The following CDK17 variants were observed in gnomAD, a reference collection of about 807,000 sequenced individuals.
The protein encoded by CDK17 is cyclin-dependent kinase 17.
CDK17 carries 24 observed loss-of-function variants against 77.6 expected under a neutral mutation model. The ratio of observed to expected loss-of-function variants is 0.31; its 90% CI spans 0.22 to 0.44. CDK17 has a LOEUF of 0.44. Among genes scored for constraint, CDK17 ranks in the 20% least tolerant of loss-of-function variants. CDK17 has a pLI of 1.00. For synonymous variants in CDK17, 203 were observed against 210.4 expected, an observed-to-expected ratio of 0.96 and a Z score of 0.30; for missense variants, 429 against 622.5, an observed-to-expected ratio of 0.69 and a Z score of 3.31.
chr12:96,281,162 C>T (rs984710017), intron 15 of CDK17, among the ~76,000 whole-genome samples: 5 of 152,130 alleles, frequency 3.3e-5, no homozygotes, highest in Admixed American at 6.6e-5. Context: ...CTGTCTGTTC[C>T]AGGACTTTCT....
chr12:96,293,681 G>A (rs1232108291), intron 10 of CDK17, among the ~76,000 whole-genome samples: 4 of 152,148 alleles, frequency 2.6e-5, no homozygotes, highest in African/African-American at 9.7e-5. Flanking sequence ...TACTTTAAAT[G>A]GGTCTTTTAT....
At position 96,400,422 on chromosome 12, in the gene CDK17, A is replaced by T; in HGVS notation, c.-466T>A. On this transcript the variant is annotated 5_prime_UTR_variant, in exon 1 of 17. Coordinates refer to ENST00000261211, the MANE Select transcript of CDK17 (RefSeq NM_002595.5). ...CTCCTTGCGTGTGCGTCGCTTTCACACTCGGCGGCTGCGGATTGACGCCTC... is the reference window on the plus strand; with the variant it reads ...CTCCTTGCGTGTGCGTCGCTTTCACTCTCGGCGGCTGCGGATTGACGCCTC... The T allele has an allele frequency of 2.6e-6, 1 of 379,758 alleles. No individual in the cohort carries two copies. Among genetic ancestry groups the T allele is most frequent in the Non-Finnish European group, 4.7e-6 (1 of 214,578 alleles). 23.5% of individuals were successfully genotyped at this position (379,758 alleles called of 1,614,324 possible).
chr12:96,330,325 T>C (rs1039766347), intron 2 of CDK17, among the ~76,000 whole-genome samples: 2 of 151,788 alleles, frequency 1.3e-5, no homozygotes, highest in African/African-American at 2.4e-5. Context: ...ATACATTGAG[T>C]GTTTATGAGG....
Position 96,325,246 on chromosome 12 carries a change from C to G in CDK17, c.119-1134G>C, listed in dbSNP as rs951231205. Among the ~76,000 whole-genome samples the G allele has an allele frequency of 2.0e-5, 3 of 152,184 alleles. No individual in the cohort carries two copies. In the East Asian group the frequency reaches 5.8e-4, roughly 29 times the overall value. On this transcript the variant is annotated intron_variant, in intron 2 of 16. Coordinates refer to ENST00000261211, the MANE Select transcript of CDK17 (RefSeq NM_002595.5). ...TACCTTCTTTTTAAAATGAAGCCAA[C>G]TATTCTTCTGTAGCTAACAATCAGG... is the stretch of plus-strand genomic sequence containing the variant.
chr12:96,362,117 G>A (rs1592753664), intron 1 of CDK17, among the ~76,000 whole-genome samples: 1 of 152,184 alleles, frequency 6.6e-6, no homozygotes, highest in East Asian at 1.9e-4. Flanking sequence ...AAAAAATGCT[G>A]GAAATTAAAC....
intron 1 of CDK17, among the ~76,000 whole-genome samples, chr12:96,391,125 T>C (rs1335369589): frequency 6.6e-6 from 1 of 151,876 alleles, no homozygotes; most frequent in Admixed American, 6.6e-5. Flanking sequence ...GTCAACTGTA[T>C]ACATAAACTA....
At chr12:96,373,353 G>A (rs1015749301) in intron 1 of CDK17, among the ~76,000 whole-genome samples, 1 of 152,150 alleles carries the variant, frequency 6.6e-6, no homozygotes, top group African/African-American at 2.4e-5. Context: ...AGCACTTTGG[G>A]AGGCCTAGGC....
In CDK17 at chr12:96,353,026, C is replaced by T. The variant is rs148627726; in HGVS notation, c.-29-18161G>A. ...TAATAGTTTGGTCAAATCTGGAAAG[C>T]TAAATCAAATAAAGTAGAAAAACTA... is the stretch of plus-strand genomic sequence containing the variant. On this transcript the variant is annotated intron_variant, in intron 1 of 16. Transcript: ENST00000261211. Among the ~76,000 whole-genome samples, 162 of 152,206 alleles carry T rather than the reference C, an allele frequency of 1.1e-3. 1 individual carries two copies. The highest frequency in any genetic ancestry group is 3.4e-3 in the African/African-American group (141 of 41,534).
chr12:96,283,616 G>A lies in CDK17; in HGVS notation c.1352C>T (p.Thr451Ile). 6.3e-7 allele frequency: 1 copy of A among 1,599,370 alleles called. No individual in the cohort carries two copies. The highest frequency in any genetic ancestry group is 8.6e-7 in the Non-Finnish European group (1 of 1,168,034). Residue 451 changes from threonine (T) to isoleucine (I), a missense_variant, in exon 14 of 17, where the codon ACA becomes ATA. Coordinates refer to ENST00000261211, the MANE Select transcript of CDK17 (RefSeq NM_002595.5). ...GAACTGACTTACCTGAAGAAATTTT[G>A]TTATCAACTCAATTCCTTCAGAGTC... ...RLDSEGIELI[T>I]KFLQYESKKR...
chr12:96,338,061 T>C (rs113906179), intron 1 of CDK17, among the ~76,000 whole-genome samples: 3,355 of 152,324 alleles, frequency 0.022, 69 homozygotes, highest in Non-Finnish European at 0.035. Flanking sequence ...TGGCCCACAC[T>C]ATATCAGTTT....
At chr12:96,286,799 T>C in intron 11 of CDK17, 38 bp from the exon 12 acceptor site, 1 of 1,499,188 alleles carries the variant, frequency 6.7e-7, no homozygotes, top group South Asian at 1.1e-5. Flanking sequence ...AGCAATTCAT[T>C]TACATATTAT....
chr12:96,368,820 G>C (rs1006645296), intron 1 of CDK17, among the ~76,000 whole-genome samples: 3 of 78,094 alleles, frequency 3.8e-5, no homozygotes, highest in Admixed American at 1.3e-4. Context: ...GGGGGGGGGG[G>C]GGGGCACAAT....
chr12:96,334,756 T>C lies in CDK17; in HGVS notation c.81A>G (p.Glu27=). 1 of 1,610,474 alleles carries C rather than the reference T, an allele frequency of 6.2e-7. No individual in the cohort carries two copies. The highest frequency in any genetic ancestry group is 8.5e-7 in the Non-Finnish European group (1 of 1,176,886). ...TGCTGTTTTCTTCAATAGTCATTTG[T>C]TCAGCCAATTCAGACAATGATTCAT... ...TIDESLSELA[E]QMTIEENSSK... The change falls in exon 2 of 17, where the codon GAA becomes GAG. Residue 27 remains glutamate (E), a synonymous_variant. Transcript: ENST00000261211.
intron 5 of CDK17, among the ~76,000 whole-genome samples, chr12:96,306,228 AG>A (rs1952575405): frequency 6.6e-6 from 1 of 152,148 alleles, no homozygotes; most frequent in Non-Finnish European, 1.5e-5. Flanking sequence ...ACTCAAGCAA[AG>A]GTTTTATGTT....
intron 1 of CDK17, among the ~76,000 whole-genome samples, chr12:96,360,790 G>A (rs1295648707): frequency 1.3e-5 from 2 of 152,180 alleles, no homozygotes; most frequent in African/African-American, 4.8e-5. Context: ...AGGCTCAGTA[G>A]CTATTAATGT....
chr12:96,303,682 T>C (rs1952538451), intron 5 of CDK17, among the ~76,000 whole-genome samples: 1 of 151,804 alleles, frequency 6.6e-6, no homozygotes, highest in South Asian at 2.1e-4. Context: ...ATTCTAAATA[T>C]ATATATAAAT....
chr12:96,317,405 C>A lies in CDK17; in HGVS notation c.284-3951G>T, dbSNP rs1409070414. On this transcript the variant is annotated intron_variant, in intron 3 of 16. Transcript: ENST00000261211. ...TATTATCCAGGAGAACTTCCCCAAT[C>A]TAGCAAGGCAGGCCAACGTTCAGAT... is the stretch of plus-strand genomic sequence containing the variant. 1.7e-3 allele frequency among the ~76,000 whole-genome samples: 188 copies of A among 110,616 alleles called. 1 individual carries two copies. Among genetic ancestry groups the A allele is most frequent in the African/African-American group, 6.3e-3 (186 of 29,542 alleles). The allele number at this position is 110,616 out of a possible 152,430, so 72.6% of individuals were successfully genotyped here.
intron 1 of CDK17, among the ~76,000 whole-genome samples, chr12:96,345,014 T>C (rs1376855512): frequency 6.6e-6 from 1 of 152,196 alleles, no homozygotes; most frequent in Admixed American, 6.5e-5. Flanking sequence ...TTAAGTGTTG[T>C]TTCCCTCCCT....
intron 1 of CDK17, among the ~76,000 whole-genome samples, chr12:96,368,010 G>A (rs572323826): frequency 9.3e-4 from 142 of 152,154 alleles, no homozygotes; most frequent in African/African-American, 3.4e-3. Context: ...TCACACTGCA[G>A]TATGATATTT....
Sources: allele counts gnomAD v4.1 joint callset (sites outside exome capture counted in the v4.1 genomes callset), GRCh38; gene constraint gnomAD v4.1.1; transcripts MANE v1.5; gene names NCBI Gene and HGNC (gene_info 2026-07-23, HGNC 2026-07-21).